The following PLCZ1 variants were observed in gnomAD, a reference collection of about 807,000 sequenced individuals.
The protein encoded by PLCZ1 is phospholipase C zeta 1.
A neutral mutation model predicts 76.8 loss-of-function variants in PLCZ1; 64 were observed. The observed-to-expected ratio is 0.83, with a 90% CI of 0.68 to 1.03. The LOEUF is 1.03. Ranked by LOEUF, PLCZ1 falls within the 50% of genes least tolerant of loss-of-function variation. The pLI is 0.00. For synonymous variants in PLCZ1, 248 were observed against 230.8 expected (o/e 1.07, Z -0.68); for missense variants, 751 against 713.7 (o/e 1.05, Z -0.60).
chr12:18,663,654 AC>A, the PLCZ1 span, among the ~76,000 whole-genome samples: 9 of 152,090 alleles, frequency 5.9e-5, no homozygotes, highest in African/African-American at 1.9e-4. Context: ...AGAAAAAAAA[AC>A]ATAGGACAAA....
chr12:18,650,474 C>T, the PLCZ1 span, among the ~76,000 whole-genome samples: 1 of 148,828 alleles, frequency 6.7e-6, no homozygotes, highest in South Asian at 2.1e-4. Flanking sequence ...AATGTAAACA[C>T]TTGCTAATTA....
At chr12:18,689,255 C>T (rs1953685991) in intron 12 of PLCZ1, among the ~76,000 whole-genome samples, 1 of 152,018 alleles carries the variant, frequency 6.6e-6, no homozygotes, top group African/African-American at 2.4e-5. Context: ...GTAGGTTCAG[C>T]TCGGTGTACC....
At chr12:18,730,482 A>T (rs1172228304) in intron 3 of PLCZ1, among the ~76,000 whole-genome samples, 2 of 152,146 alleles carry the variant, frequency 1.3e-5, no homozygotes, top group Non-Finnish European at 2.9e-5. Flanking sequence ...TATGTAATTT[A>T]TGCTTCTAAA....
chr12:18,699,728 C>G, intron 10 of PLCZ1, 66 bp downstream of exon 10: 2 of 1,456,578 alleles, frequency 1.4e-6, no homozygotes, highest in Admixed American at 3.4e-5. Flanking sequence ...ATTGAGCAAT[C>G]TTAACACCCT....
At chr12:18,650,295 CT>C in the PLCZ1 span, among the ~76,000 whole-genome samples, 1 of 13,068 alleles carries the variant, frequency 7.7e-5, no homozygotes, top group African/African-American at 4.0e-4. Context: ...ACCCAAATTT[CT>C]CTCTCTCTCT....
intron 3 of PLCZ1, among the ~76,000 whole-genome samples, chr12:18,730,320 G>A (rs550416303): frequency 6.6e-6 from 1 of 152,086 alleles, no homozygotes; most frequent in Non-Finnish European, 1.5e-5. Context: ...ATAAAATACA[G>A]TTAACCAATA....
the PLCZ1 span, among the ~76,000 whole-genome samples, chr12:18,656,087 C>T: frequency 1.3e-5 from 2 of 152,112 alleles, no homozygotes; most frequent in South Asian, 2.1e-4. Flanking sequence ...AGAGTGACAC[C>T]AGCAAAAATG....
At chr12:18,737,103 C>T (rs1391420369) in intron 2 of PLCZ1, among the ~76,000 whole-genome samples, 1 of 152,088 alleles carries the variant, frequency 6.6e-6, no homozygotes, top group Non-Finnish European at 1.5e-5. Context: ...TACTAAGTTT[C>T]AGATTGTTAG....
chr12:18,706,243 TA>T (rs569026263), intron 6 of PLCZ1, among the ~76,000 whole-genome samples: 4,287 of 120,516 alleles, frequency 0.036, 109 homozygotes, highest in African/African-American at 0.086. Flanking sequence ...AAAATAAAAA[TA>T]AAAAAAAAAA....
the PLCZ1 span, among the ~76,000 whole-genome samples, chr12:18,674,482 TTG>T: frequency 6.6e-6 from 1 of 152,222 alleles, no homozygotes; most frequent in Non-Finnish European, 1.5e-5. Context: ...TATGAATTTT[TTG>T]GACAAATAAA....
At chr12:18,680,966 T>C (rs1409294891), downstream of PLCZ1, among the ~76,000 whole-genome samples, 1 of 152,088 alleles carries the variant, frequency 6.6e-6, no homozygotes, top group Non-Finnish European at 1.5e-5. Context: ...TAGTCATTTA[T>C]GTCAGCCAGG....
chr12:18,683,576 A>C, intron 14 of PLCZ1: 1 of 1,464,958 alleles, frequency 6.8e-7, no homozygotes, highest in Non-Finnish European at 9.1e-7. Flanking sequence ...ATGATCCAAA[A>C]TTAGCCACCA....
chr12:18,646,604 G>A, the PLCZ1 span, among the ~76,000 whole-genome samples: 2 of 152,052 alleles, frequency 1.3e-5, no homozygotes, highest in Non-Finnish European at 2.9e-5. Flanking sequence ...GAACTCAGAG[G>A]GCTGCCCTCT....
chr12:18,731,210 C>T (rs1253599373), intron 3 of PLCZ1: 1 of 151,890 alleles, frequency 6.6e-6, no homozygotes, highest in Non-Finnish European at 1.5e-5. Flanking sequence ...GTATTGATTG[C>T]TTTTCTTCCA....
chr12:18,682,288 A>G (rs77949565), downstream of PLCZ1, among the ~76,000 whole-genome samples: 2,048 of 152,172 alleles, frequency 0.013, 54 homozygotes, highest in African/African-American at 0.048. Context: ...TCATAAAGAT[A>G]TCACGTGTTA....
At chr12:18,655,491 G>A in the PLCZ1 span, among the ~76,000 whole-genome samples, 1 of 152,262 alleles carries the variant, frequency 6.6e-6, no homozygotes, top group East Asian at 1.9e-4. Flanking sequence ...CTGATAAAAG[G>A]TAGAACATAG....
At chr12:18,646,220 A>C in the PLCZ1 span, among the ~76,000 whole-genome samples, 34 of 152,332 alleles carry the variant, frequency 2.2e-4, no homozygotes, top group African/African-American at 8.2e-4. Context: ...ATGTATTTTC[A>C]TAATTAAAAC....
chr12:18,727,397 A>G (rs1958815525), intron 3 of PLCZ1, among the ~76,000 whole-genome samples: 1 of 152,106 alleles, frequency 6.6e-6, no homozygotes. Context: ...GATAATAGAC[A>G]CAATAAGGAA....
At chr12:18,731,261 G>T (rs79925563) in intron 3 of PLCZ1, 1 of 151,634 alleles carries the variant, frequency 6.6e-6, no homozygotes, top group East Asian at 1.9e-4. Context: ...AACAGCTTTC[G>T]TAAAGATACT....
Sources: allele counts gnomAD v4.1 joint callset (sites outside exome capture counted in the v4.1 genomes callset), GRCh38; gene constraint gnomAD v4.1.1; transcripts MANE v1.5; gene names NCBI Gene and HGNC (gene_info 2026-07-23, HGNC 2026-07-21).